BPIFB1: variants seen among roughly 807,000 people sequenced by gnomAD.
BPIFB1 encodes BPI fold-containing family B member 1.
In BPIFB1, 34 loss-of-function variants were observed where a neutral mutation model predicts 55.1. The observed-to-expected ratio is 0.62, with a 90% CI of 0.47 to 0.82. The LOEUF is 0.82. Ranked by LOEUF, BPIFB1 falls within the 40% of genes least tolerant of loss-of-function variation. The probability of loss-of-function intolerance (pLI) is 0.00; values close to 1 mark genes in which losing one functional copy is unlikely to be tolerated. For synonymous variants in BPIFB1, 236 were observed against 245.3 expected (o/e 0.96, Z 0.35); for missense variants, 532 against 593.1 (o/e 0.90, Z 1.07).
intron 8 of BPIFB1, 45 bp from the exon 9 acceptor site, chr20:33,301,188 T>C: frequency 6.3e-7 from 1 of 1,577,890 alleles, no homozygotes; most frequent in Non-Finnish European, 8.7e-7. Context: ...TTGGGTAAGC[T>C]GCAGAGTTAA....
At position 33,304,011 on chromosome 20, in the gene BPIFB1, C is replaced by T. The variant is rs749308548; in HGVS notation, c.1194C>T (p.Asn398=). 1 of 1,613,110 alleles carries T rather than the reference C, an allele frequency of 6.2e-7. No homozygotes were observed. Among genetic ancestry groups the T allele is most frequent in the Admixed American group, 1.7e-5 (1 of 59,694 alleles). The change falls in exon 12 of 16, where the codon AAC becomes AAT. Residue 398 remains asparagine, a synonymous_variant. Transcript: ENST00000253354. ...CCAAAGGTGACCAACTTATACTCAA[C>T]TTGAATAACATCAGGTAAACACACA... ...FYTKGDQLIL[N]LNNISSDRIQ...
chr20:33,284,052 A>T (rs1980187194), intron 1 of BPIFB1, among the ~76,000 whole-genome samples: 1 of 152,204 alleles, frequency 6.6e-6, no homozygotes, highest in African/African-American at 2.4e-5. Flanking sequence ...TCTGACTCCA[A>T]TATTAGTAAT....
At chr20:33,305,801 C>A (rs964024713) in intron 13 of BPIFB1, among the ~76,000 whole-genome samples, 1 of 152,046 alleles carries the variant, frequency 6.6e-6, no homozygotes, top group Admixed American at 6.5e-5. Context: ...TCTACCAGGC[C>A]CCAGGGGCGG....
In BPIFB1 at chr20:33,288,942, G is replaced by A. The variant is rs111428112; in HGVS notation, c.257+60G>A. Reference sequence around the variant, plus strand: ...CTTCCCACACCTTTGCCCGGGACACGCTCTGCATGCTCAGTCAACCAGTCT... The same window carrying A: ...CTTCCCACACCTTTGCCCGGGACACACTCTGCATGCTCAGTCAACCAGTCT... On this transcript the variant is annotated intron_variant, in intron 3 of 15. Coordinates refer to ENST00000253354, the MANE Select transcript of BPIFB1 (RefSeq NM_033197.3). The A allele has an allele frequency of 1.6e-3, 2,463 of 1,536,430 alleles. 5 individuals are homozygous for A. Among genetic ancestry groups the A allele is most frequent in the Admixed American group, 3.0e-3 (161 of 53,334 alleles).
At chr20:33,293,746 C>T (rs1273455694) in intron 6 of BPIFB1, among the ~76,000 whole-genome samples, 1 of 152,136 alleles carries the variant, frequency 6.6e-6, no homozygotes, top group African/African-American at 2.4e-5. Context: ...GTGGCTGAGG[C>T]AGAAGGATCG....
At chr20:33,289,819 A>G (rs1203960822) in intron 3 of BPIFB1, 66 bp from the exon 4 acceptor site, 3 of 1,445,170 alleles carry the variant, frequency 2.1e-6, no homozygotes, top group African/African-American at 2.8e-5. Context: ...GAAAAGATAG[A>G]GAGGGAGTGG....
intron 3 of BPIFB1, 64 bp downstream of exon 3, chr20:33,288,946 T>C: frequency 6.5e-7 from 1 of 1,536,084 alleles, no homozygotes; most frequent in Non-Finnish European, 8.8e-7. Context: ...GGACACGCTC[T>C]GCATGCTCAG....
Position 33,284,583 on chromosome 20 carries a change from G to A in BPIFB1, c.-42+1329G>A, listed in dbSNP as rs950464959. ...GCTCACACTGCTCCAGGGCACAGGA[G>A]ACACATGTCATCCGGATGCCACATT... is the stretch of plus-strand genomic sequence containing the variant. On this transcript the variant is annotated intron_variant, in intron 1 of 15. Coordinates refer to ENST00000253354, the MANE Select transcript of BPIFB1 (RefSeq NM_033197.3). 2.6e-5 allele frequency among the ~76,000 whole-genome samples: 4 copies of A among 152,212 alleles called. No individual in the cohort carries two copies. In the South Asian group the frequency reaches 8.3e-4, roughly 32 times the overall value.
intron 3 of BPIFB1, 90 bp downstream of exon 3, chr20:33,288,972 G>A: frequency 1.4e-6 from 2 of 1,413,480 alleles, no homozygotes; most frequent in East Asian, 2.5e-5. Context: ...CAGTCTGCAA[G>A]CATCGACTTG....
intron 12 of BPIFB1, among the ~76,000 whole-genome samples, chr20:33,304,481 T>G (rs2146535485): frequency 6.6e-6 from 1 of 152,292 alleles, no homozygotes; most frequent in Middle Eastern, 3.4e-3. Flanking sequence ...AAATGAGTTG[T>G]GCACATATCA....
chr20:33,285,480 G>A (rs6141913), intron 1 of BPIFB1, among the ~76,000 whole-genome samples: 32,948 of 151,504 alleles, frequency 0.22, 3,694 homozygotes, highest in Middle Eastern at 0.26. Context: ...TTGGGAGGCC[G>A]AGGTGGGCAG....
In BPIFB1 at chr20:33,306,676, G is replaced by GT; in HGVS notation, c.1319-234dup. 5.4e-6 allele frequency: 3 copies of GT among 555,626 alleles called. No homozygotes were observed. The East Asian group carries it at 9.1e-5, about 17-fold the overall frequency. 34.4% of individuals were successfully genotyped at this position (555,626 alleles called of 1,614,324 possible). The stretch of plus-strand genomic sequence containing the variant: ...CCCCTGATGGTTCTTGAGCAAGAGC[G>GT]TAAGAGAATGTGAGGACTGCATTTT... On this transcript the variant is annotated intron_variant, in intron 14 of 15. Coordinates refer to ENST00000253354, the MANE Select transcript of BPIFB1 (RefSeq NM_033197.3).
chr20:33,305,926 C>A, intron 13 of BPIFB1, 76 bp from the exon 14 acceptor site: 1 of 1,511,766 alleles, frequency 6.6e-7, no homozygotes, highest in Non-Finnish European at 9.2e-7. Context: ...TGGGGAGGAG[C>A]CACACCCACG....
chr20:33,299,920 A>T lies in BPIFB1; in HGVS notation c.683A>T (p.Asp228Val). 4 of 1,613,842 alleles carry T rather than the reference A, an allele frequency of 2.5e-6. No homozygotes were observed. The highest frequency in any genetic ancestry group is 3.4e-6 in the Non-Finnish European group (4 of 1,179,960). Residue 228 changes from aspartate (D) to valine (V), a missense_variant, in exon 8 of 16, where the codon GAC (aspartate) becomes GTC (valine). Coordinates refer to ENST00000253354, the MANE Select transcript of BPIFB1 (RefSeq NM_033197.3). ...GCAGTGCCCATTTCCCTCAGCATTG[A>T]CCGTCTGGAGTTTGACCTTCTGTAT... The part of the protein sequence containing the change: ...LVKVPISLSI[D>V]RLEFDLLYPA...
chr20:33,298,048 A>AGATGGATG (rs551999680), intron 7 of BPIFB1, among the ~76,000 whole-genome samples: 1 of 152,108 alleles, frequency 6.6e-6, no homozygotes, highest in Non-Finnish European at 1.5e-5. Flanking sequence ...ATGGATGGAT[A>AGATGGATG]GATGGATGGA....
chr20:33,283,932 G>A (rs1445146592), intron 1 of BPIFB1, among the ~76,000 whole-genome samples: 1 of 152,126 alleles, frequency 6.6e-6, no homozygotes, highest in Non-Finnish European at 1.5e-5. Context: ...AGATAATGCA[G>A]GACAGACAGA....
At chr20:33,306,815 C>T in intron 14 of BPIFB1, 96 bp from the exon 15 acceptor site, 1 of 1,026,666 alleles carries the variant, frequency 9.7e-7, no homozygotes. Flanking sequence ...ATCAGGCCTG[C>T]CAGGCCGGGG....
chr20:33,285,686 C>G (rs1980243194), intron 1 of BPIFB1, among the ~76,000 whole-genome samples: 2 of 150,108 alleles, frequency 1.3e-5, no homozygotes, highest in Non-Finnish European at 3.0e-5. Flanking sequence ...CCACTGCACT[C>G]CAGCCTGGGT....
At chr20:33,296,358 G>A (rs1056650725) in intron 6 of BPIFB1, among the ~76,000 whole-genome samples, 10 of 152,172 alleles carry the variant, frequency 6.6e-5, no homozygotes, top group African/African-American at 2.2e-4. Flanking sequence ...AGCAGGGAAC[G>A]GTTATTCATA....
Sources: allele counts gnomAD v4.1 joint callset (sites outside exome capture counted in the v4.1 genomes callset), GRCh38; gene constraint gnomAD v4.1.1; transcripts MANE v1.5; gene names NCBI Gene and HGNC (gene_info 2026-07-23, HGNC 2026-07-21).